Variants in SPG7 observed in about 807,000 individuals in gnomAD.
SPG7 encodes the protein SPG7 matrix AAA peptidase subunit, paraplegin, also known as mitochondrial inner membrane m-AAA protease component paraplegin.
A neutral mutation model predicts 81.9 loss-of-function variants in SPG7; 103 were observed. That is an observed-to-expected ratio of 1.26 (90% CI 1.07 to 1.48). The LOEUF is 1.48. SPG7 is among the 40% of genes most tolerant of loss of function. SPG7 has a pLI of 0.00. For missense variants in SPG7, 1,241 were observed against 1,087.3 expected, an observed-to-expected ratio of 1.14 and a Z score of -1.99; for synonymous variants, 534 against 444.2, an observed-to-expected ratio of 1.20 and a Z score of -2.54.
intron 6 of SPG7, 157 bp downstream of exon 6, chr16:89,529,736 C>T: frequency 1.4e-6 from 1 of 703,804 alleles, no homozygotes; most frequent in East Asian, 2.7e-5. Flanking sequence ...TTCCCATGGT[C>T]CGGCTGTAAG....
At chr16:89,532,860 G>A in intron 9 of SPG7, 1 of 556,400 alleles carries the variant, frequency 1.8e-6, no homozygotes, top group South Asian at 2.0e-5. Flanking sequence ...AAGACAGGCG[G>A]ATCACCAGAG....
intron 9 of SPG7, chr16:89,537,452 T>A (rs1211502992): frequency 4.0e-6 from 4 of 1,010,838 alleles, no homozygotes; most frequent in Non-Finnish European, 4.7e-6. Flanking sequence ...AACGTAGTCA[T>A]CCCCTGGTGG....
Position 89,510,622 on chromosome 16 carries a change from C to T in SPG7, c.286+30C>T, listed in dbSNP as rs755377403. On this transcript the variant is annotated intron_variant, in intron 2 of 16. Coordinates refer to ENST00000645818, the MANE Select transcript of SPG7 (RefSeq NM_003119.4). ...GTATCTGTTTAAAGAAGCAGCTGAGCATGACTGCACACTTACCGCCTCAGC... is the reference window on the plus strand; with the variant it reads ...GTATCTGTTTAAAGAAGCAGCTGAGTATGACTGCACACTTACCGCCTCAGC... The T allele has an allele frequency of 1.3e-5, 17 of 1,306,002 alleles. No homozygotes were observed. The African/African-American group carries it at 2.0e-4, about 16-fold the overall frequency. 80.9% of individuals were successfully genotyped at this position (1,306,002 alleles called of 1,614,324 possible).
intron 1 of SPG7, 38 bp downstream of exon 1, chr16:89,508,638 G>A (rs911328602): frequency 4.0e-5 from 57 of 1,423,126 alleles, no homozygotes; most frequent in Non-Finnish European, 4.8e-5. Flanking sequence ...CCTCCCGCCC[G>A]GCTCTGCTCT....
chr16:89,514,946 T>C (rs1172638198), intron 3 of SPG7, among the ~76,000 whole-genome samples: 1 of 149,960 alleles, frequency 6.7e-6, no homozygotes, highest in East Asian at 2.0e-4. Flanking sequence ...TTTTTTTTTT[T>C]TTTTTTTTGA....
chr16:89,553,186 A>G (rs375547853), intron 14 of SPG7, 51 bp downstream of exon 14: 8 of 1,539,240 alleles, frequency 5.2e-6, no homozygotes, highest in South Asian at 2.4e-5. Context: ...TTTTCCCTGC[A>G]TGACTCCTTC....
intron 1 of SPG7, among the ~76,000 whole-genome samples, chr16:89,509,877 C>T (rs1454270067): frequency 1.3e-5 from 2 of 149,648 alleles, no homozygotes; most frequent in East Asian, 4.0e-4. Flanking sequence ...AAGCCTCTGC[C>T]TCCTGGGCCC....
intron 9 of SPG7, chr16:89,540,270 A>G (rs1194103421): frequency 6.6e-6 from 1 of 152,168 alleles, no homozygotes; most frequent in African/African-American, 2.4e-5. Context: ...ATAGGAACAC[A>G]CACCTCTTAG....
intron 9 of SPG7, chr16:89,537,098 G>C: frequency 1.3e-6 from 2 of 1,513,312 alleles, no homozygotes; most frequent in Non-Finnish European, 1.8e-6. Flanking sequence ...CCTTTATGCA[G>C]AGCCACAGCT....
At chr16:89,537,628 C>G (rs528584612) in intron 9 of SPG7, 60 of 939,568 alleles carry the variant, frequency 6.4e-5, no homozygotes, top group Non-Finnish European at 7.1e-5. Context: ...ACCTCCTAGG[C>G]TCAAGCTTCC....
Position 89,554,515 on chromosome 16 carries a change from C to G in SPG7, c.2133C>G (p.Tyr711Ter), listed in dbSNP as rs778915619. The stretch of plus-strand genomic sequence containing the variant: ...CAAGACTGCTGGTGGCCAAGGCCTA[C>G]AGACACACCGAGAAGGTGCTGCAGG... ...HEARLLVAKAYRHTEKVLQDN... is the reference protein window; with the variant it reads ...HEARLLVAKA The change falls in exon 16 of 17, where the codon TAC becomes TAG. Residue 711 changes from tyrosine to a stop codon, truncating the protein, a stop_gained. Coordinates refer to ENST00000645818, the MANE Select transcript of SPG7 (RefSeq NM_003119.4). LOFTEE classifies it low-confidence loss of function (END_TRUNC). 2 of 1,609,588 alleles carry G rather than the reference C, an allele frequency of 1.2e-6. No homozygotes were observed. The highest frequency in any genetic ancestry group is 1.7e-6 in the Non-Finnish European group (2 of 1,179,888).
Position 89,548,124 on chromosome 16 carries a change from C to T in SPG7, c.1663+11C>T, listed in dbSNP as rs778284438. On this transcript the variant is annotated intron_variant, in intron 12 of 16. Transcript: ENST00000645818. Reference sequence around the variant, plus strand: ...AGCGCGTCCTCGCAGGTACAGGGGGCGCGCCCTGGGTGAAGGCCCTCCTTA... The same window carrying T: ...AGCGCGTCCTCGCAGGTACAGGGGGTGCGCCCTGGGTGAAGGCCCTCCTTA... 1.7e-5 allele frequency: 27 copies of T among 1,586,266 alleles called. No individual in the cohort carries two copies. Among genetic ancestry groups the T allele is most frequent in the East Asian group, 6.7e-5 (3 of 44,804 alleles).
intron 9 of SPG7, chr16:89,543,762 T>G (rs1433690441): frequency 6.6e-6 from 1 of 152,060 alleles, no homozygotes; most frequent in Non-Finnish European, 1.5e-5. Flanking sequence ...CAAGCGATTC[T>G]TCTGCTTTAA....
intron 3 of SPG7, among the ~76,000 whole-genome samples, chr16:89,516,370 C>T (rs962249387): frequency 6.6e-6 from 1 of 151,254 alleles, no homozygotes; most frequent in East Asian, 1.9e-4. Context: ...GGTGAAACCC[C>T]TTGTCTACTA....
Position 89,533,679 on chromosome 16 carries a change from A to G in SPG7, c.1324+1043A>G, listed in dbSNP as rs1190982601. ...TCAGGGTGCTGCACTGCAGCGAGGG[A>G]GACACCCCATTTGTTGTGACCCCTT... On this transcript the variant is annotated intron_variant, in intron 9 of 16. Transcript: ENST00000645818. 2.0e-5 allele frequency: 3 copies of G among 151,676 alleles called. No homozygotes were observed. The East Asian group carries it at 5.8e-4, about 29-fold the overall frequency. 9.4% of individuals were successfully genotyped at this position (151,676 alleles called of 1,614,324 possible). A position where few individuals can be genotyped will look rare whatever the true frequency, so the allele number is the denominator to read the frequency against.
intron 9 of SPG7, chr16:89,544,189 G>A (rs561409252): frequency 6.2e-5 from 16 of 256,980 alleles, no homozygotes; most frequent in African/African-American, 2.0e-4. Flanking sequence ...TAAATTCTCC[G>A]ATGACAAACG....
intron 4 of SPG7, among the ~76,000 whole-genome samples, chr16:89,525,930 A>C (rs12933264): frequency 0.13 from 19,814 of 152,208 alleles, 1,653 homozygotes; most frequent in Middle Eastern, 0.2. Context: ...ACTTGCAGAC[A>C]TCCCTCCATT....
chr16:89,508,424 G>GTGCTGC lies in SPG7; in HGVS notation c.18_23dup (p.Leu7_Leu8dup), dbSNP rs781285980. The GTGCTGC allele has an allele frequency of 7.4e-6, 11 of 1,490,608 alleles. No individual in the cohort carries two copies. Among genetic ancestry groups the GTGCTGC allele is most frequent in the Admixed American group, 2.2e-5 (1 of 45,800 alleles). The allele number at this position is 1,490,608 out of a possible 1,614,324, so 92.3% of individuals were successfully genotyped here. A position where few individuals can be genotyped will look rare whatever the true frequency, so the allele number is the denominator to read the frequency against. On this transcript the variant is annotated inframe_insertion, in exon 1 of 17. Transcript: ENST00000645818. ...GCGCGGCTTTCAGGCCAACATGGCC[G>GTGCTGC]TGCTGCTGCTGCTGCTCCGTGCCCT...
Position 89,526,459 on chromosome 16 carries a change from T to C in SPG7, c.749T>C (p.Phe250Ser). Residue 250 changes from phenylalanine to serine, a missense_variant, in exon 5 of 17, where the codon TTC becomes TCC. Phe to Ser is a radical substitution (Grantham distance 155, BLOSUM62 -2). Coordinates refer to ENST00000645818, the MANE Select transcript of SPG7 (RefSeq NM_003119.4). The part of the protein sequence containing the change: ...RIPVSYKRTG[F>S]FGNALYSVGM... ...CCAGTTTCCTACAAGCGAACAGGATTCTTTGGAAAGTATGTTGGATGTATT... is the reference window on the plus strand; with the variant it reads ...CCAGTTTCCTACAAGCGAACAGGATCCTTTGGAAAGTATGTTGGATGTATT... The C allele has an allele frequency of 6.2e-7, 1 of 1,614,196 alleles. No homozygotes were observed. The highest frequency in any genetic ancestry group is 8.5e-7 in the Non-Finnish European group (1 of 1,180,020).
Sources: allele counts gnomAD v4.1 joint callset (sites outside exome capture counted in the v4.1 genomes callset), GRCh38; gene constraint gnomAD v4.1.1; transcripts MANE v1.5; gene names NCBI Gene and HGNC (gene_info 2026-07-23, HGNC 2026-07-21).